ALDH8A1: variants seen among roughly 807,000 people sequenced by gnomAD.
The protein encoded by ALDH8A1 is aldehyde dehydrogenase 8 family member A1.
In ALDH8A1, 39 loss-of-function variants were observed where a neutral mutation model predicts 43.3. That is an observed-to-expected ratio of 0.90 (90% CI 0.70 to 1.18). The LOEUF (loss-of-function observed/expected upper bound fraction) is 1.18. Ranked by LOEUF, ALDH8A1 falls within the 50% of genes most tolerant of loss-of-function variation. The pLI is 0.00. For synonymous variants in ALDH8A1, 233 were observed against 243.5 expected, an observed-to-expected ratio of 0.96 and a Z score of 0.40; for missense variants, 605 against 622.6, an observed-to-expected ratio of 0.97 and a Z score of 0.30.
intron 6 of ALDH8A1, among the ~76,000 whole-genome samples, chr6:134,925,370 C>T (rs1419299087): frequency 6.6e-6 from 1 of 152,106 alleles, no homozygotes; most frequent in Non-Finnish European, 1.5e-5. Context: ...TGGTTTCAAG[C>T]GTTTTCTTGG....
rs1469208192 is a variant in ALDH8A1, at chr6:134,929,194, T to C, written c.871A>G (p.Ser291Gly). ...ATGCTCTTCTGGACAAAGATCCTGC[T>C]GGTACAGAGACAGATTTCACCCTGC... ...ANQGEICLCT[S>G]RIFVQKSIYS... Residue 291 changes from serine to glycine, a missense_variant, in exon 6 of 7, where the codon AGC (serine) becomes GGC (glycine). By Grantham distance (56) the Ser-to-Gly change is moderately conservative (BLOSUM62 0). Transcript: ENST00000265605. 1 of 1,614,108 alleles carries C rather than the reference T, an allele frequency of 6.2e-7. No homozygotes were observed. The highest frequency in any genetic ancestry group is 1.1e-5 in the South Asian group (1 of 91,074).
Position 134,919,412 on chromosome 6 carries a change from C to T in ALDH8A1, c.1012-545G>A, listed in dbSNP as rs1300494626. 2.6e-5 allele frequency among the ~76,000 whole-genome samples: 4 copies of T among 152,190 alleles called. No individual in the cohort carries two copies. The East Asian group carries it at 7.7e-4, about 29-fold the overall frequency. ...CCCTTTAATAGATGAGCTTCCAGAA[C>T]AAATCATTTCTAATTTCTAGTCTCA... On this transcript the variant is annotated intron_variant, in intron 6 of 6. Transcript: ENST00000265605.
chr6:134,927,950 T>C (rs950037594), intron 6 of ALDH8A1, among the ~76,000 whole-genome samples: 4 of 152,138 alleles, frequency 2.6e-5, no homozygotes, highest in African/African-American at 9.7e-5. Context: ...TGAAGGACCA[T>C]CCACAACTGT....
chr6:134,944,198 G>A, intron 1 of ALDH8A1: 1 of 462,788 alleles, frequency 2.2e-6, no homozygotes. Context: ...CTCCTGAGCA[G>A]CTGGGATTAC....
intron 6 of ALDH8A1, among the ~76,000 whole-genome samples, chr6:134,922,589 C>T (rs1179391844): frequency 6.6e-6 from 1 of 151,710 alleles, no homozygotes; most frequent in South Asian, 2.1e-4. Context: ...GGTTTCACCA[C>T]GTTGGCCAGG....
Position 134,932,942 on chromosome 6 carries a change from G to T in ALDH8A1, c.683C>A (p.Ser228Tyr). ...LVSHPEVPLI[S>Y]FTGSQPTAER... is the part of the protein sequence containing the mutation. ...AGCGGTGGGCTGGCTCCCGGTGAAG[G>T]AGATCAGGGGCACCTCTGGGTGGGA... The change falls in exon 5 of 7, where the codon TCC (serine) becomes TAC (tyrosine). Residue 228 changes from serine (S) to tyrosine (Y), a missense_variant. Physicochemically the swap from Ser to Tyr is moderately radical, Grantham distance 144 (BLOSUM62 -2). Transcript: ENST00000265605. 6.2e-7 allele frequency: 1 copy of T among 1,614,068 alleles called. No homozygotes were observed. The highest frequency in any genetic ancestry group is 8.5e-7 in the Non-Finnish European group (1 of 1,180,014).
At chr6:134,942,598 C>T (rs773058145) in intron 2 of ALDH8A1, 34 bp from the exon 3 acceptor site, 9 of 1,591,554 alleles carry the variant, frequency 5.7e-6, no homozygotes, top group Middle Eastern at 3.3e-4. Context: ...GCACTATCAG[C>T]TAATGGGGAC....
At chr6:134,934,058 G>A (rs1773684670) in intron 4 of ALDH8A1, among the ~76,000 whole-genome samples, 2 of 152,184 alleles carry the variant, frequency 1.3e-5, no homozygotes, top group Non-Finnish European at 2.9e-5. Context: ...CACACAACTA[G>A]AAGGTACACT....
At chr6:134,942,304 C>T in intron 3 of ALDH8A1, 105 bp downstream of exon 3, 1 of 1,329,738 alleles carries the variant, frequency 7.5e-7, no homozygotes, top group Non-Finnish European at 1.0e-6. Context: ...AGAAAAATAT[C>T]AGCTCTTCCT....
At chr6:134,928,175 C>A (rs1776918038) in intron 6 of ALDH8A1, among the ~76,000 whole-genome samples, 1 of 152,236 alleles carries the variant, frequency 6.6e-6, no homozygotes, top group African/African-American at 2.4e-5. Context: ...ATACCCTCTC[C>A]TCCCTCCTGA....
chr6:134,940,225 C>A, intron 3 of ALDH8A1: 4 of 341,042 alleles, frequency 1.2e-5, no homozygotes, highest in Admixed American at 7.6e-5. Flanking sequence ...CCTGGAACTT[C>A]AAAAAAAAAT....
intron 6 of ALDH8A1, among the ~76,000 whole-genome samples, chr6:134,919,223 T>A (rs1474782739): frequency 6.6e-6 from 1 of 152,184 alleles, no homozygotes; most frequent in Admixed American, 6.5e-5. Flanking sequence ...GTGTAAAAAA[T>A]ATGAATGGTT....
chr6:134,927,181 G>A (rs1330739246), intron 6 of ALDH8A1, among the ~76,000 whole-genome samples: 4 of 152,174 alleles, frequency 2.6e-5, no homozygotes, highest in Non-Finnish European at 5.9e-5. Flanking sequence ...TGCATTTCAT[G>A]AACACATAGA....
chr6:134,931,235 A>T (rs1395339902), intron 5 of ALDH8A1, among the ~76,000 whole-genome samples: 2 of 152,114 alleles, frequency 1.3e-5, no homozygotes, highest in African/African-American at 2.4e-5. Flanking sequence ...TACACTTCTT[A>T]TCTCCATGTT....
intron 3 of ALDH8A1, chr6:134,941,440 T>G (rs1327732937): frequency 6.6e-6 from 1 of 152,106 alleles, no homozygotes; most frequent in Non-Finnish European, 1.5e-5. Flanking sequence ...CAGGCTGGAG[T>G]GCAATGGCAC....
intron 1 of ALDH8A1, among the ~76,000 whole-genome samples, chr6:134,946,772 G>A (rs991242812): frequency 1.3e-5 from 2 of 149,590 alleles, no homozygotes; most frequent in Admixed American, 6.6e-5. Flanking sequence ...ACACAGGTGC[G>A]CATGTGTGCG....
At chr6:134,949,840 G>C in intron 1 of ALDH8A1, 76 bp downstream of exon 1, 1 of 1,448,958 alleles carries the variant, frequency 6.9e-7, no homozygotes, top group Non-Finnish European at 9.1e-7. Flanking sequence ...AACTCCCTCT[G>C]CTTTTAGAAA....
chr6:134,920,343 G>T (rs559743713), intron 6 of ALDH8A1, among the ~76,000 whole-genome samples: 32 of 152,282 alleles, frequency 2.1e-4, no homozygotes, highest in Middle Eastern at 6.8e-3. Flanking sequence ...AAATAAGTTT[G>T]TACCTCTCTT....
intron 4 of ALDH8A1, among the ~76,000 whole-genome samples, chr6:134,937,459 AGAG>A (rs1319715666): frequency 1.3e-5 from 2 of 152,224 alleles, no homozygotes; most frequent in Non-Finnish European, 2.9e-5. Context: ...CATGGAGGAA[AGAG>A]GAGAAGGGCT....
Sources: allele counts gnomAD v4.1 joint callset (sites outside exome capture counted in the v4.1 genomes callset), GRCh38; gene constraint gnomAD v4.1.1; transcripts MANE v1.5; gene names NCBI Gene and HGNC (gene_info 2026-07-23, HGNC 2026-07-21).